The following SORCS2 variants were observed in gnomAD, a reference collection of about 807,000 sequenced individuals.
SORCS2 encodes the protein VPS10 domain-containing receptor SorCS2.
A neutral mutation model predicts 141.6 loss-of-function variants in SORCS2; 100 were observed. The observed-to-expected ratio is 0.71, with a 90% CI of 0.60 to 0.83. The LOEUF is 0.83. Ranked by LOEUF, SORCS2 falls within the 40% of genes least tolerant of loss-of-function variation. SORCS2 has a pLI of 0.00. For synonymous variants in SORCS2, 789 were observed against 676.9 expected (o/e 1.17, Z -2.57); for missense variants, 1,646 against 1,560.2 (o/e 1.05, Z -0.93).
intron 2 of SORCS2, among the ~76,000 whole-genome samples, chr4:7,449,520 G>A (rs1382020322): frequency 1.3e-5 from 2 of 150,838 alleles, no homozygotes; most frequent in Non-Finnish European, 2.9e-5. Flanking sequence ...CTCCCTGCCT[G>A]TGAGATGGGG....
intron 3 of SORCS2, among the ~76,000 whole-genome samples, chr4:7,594,435 G>A (rs546999019): frequency 6.6e-6 from 1 of 152,246 alleles, no homozygotes; most frequent in Non-Finnish European, 1.5e-5. Flanking sequence ...GCCCGAGGAA[G>A]GGTAAGCTTC....
intron 1 of SORCS2, among the ~76,000 whole-genome samples, chr4:7,324,566 T>C (rs1258251003): frequency 6.6e-6 from 1 of 152,186 alleles, no homozygotes; most frequent in African/African-American, 2.4e-5. Context: ...CCCGGCACAC[T>C]TTAATTACAG....
At chr4:7,636,330 T>A (rs1198861056) in intron 3 of SORCS2, among the ~76,000 whole-genome samples, 1 of 152,218 alleles carries the variant, frequency 6.6e-6, no homozygotes, top group African/African-American at 2.4e-5. Context: ...CGGCGCCCGG[T>A]GCCTGTGTAA....
At chr4:7,675,960 G>A in intron 8 of SORCS2, 90 bp from the exon 9 acceptor site, 1 of 1,436,696 alleles carries the variant, frequency 7.0e-7, no homozygotes, top group South Asian at 1.3e-5. Flanking sequence ...GGGGTCTTCT[G>A]CACCCTCACG....
At chr4:7,509,606 A>G (rs563608478) in intron 2 of SORCS2, among the ~76,000 whole-genome samples, 5 of 152,216 alleles carry the variant, frequency 3.3e-5, no homozygotes, top group African/African-American at 1.2e-4. Context: ...TGCACAGCCC[A>G]CAGGGGGCTG....
At chr4:7,408,367 A>G (rs543289350) in intron 2 of SORCS2, among the ~76,000 whole-genome samples, 25 of 150,444 alleles carry the variant, frequency 1.7e-4, no homozygotes, top group African/African-American at 5.6e-4. Context: ...TTTGCTGGCT[A>G]TAGTATTCTT....
intron 1 of SORCS2, among the ~76,000 whole-genome samples, chr4:7,245,470 G>C (rs1713021110): frequency 6.6e-6 from 1 of 152,200 alleles, no homozygotes; most frequent in Non-Finnish European, 1.5e-5. Context: ...AAATAACTTG[G>C]GCTTTAGAGT....
intron 1 of SORCS2, among the ~76,000 whole-genome samples, chr4:7,208,235 C>A (rs146202875): frequency 7.9e-4 from 121 of 152,256 alleles, no homozygotes; most frequent in African/African-American, 2.7e-3. Context: ...TGAGCTGGGG[C>A]AGGTGGGGGT....
chr4:7,662,247 C>G (rs1023905550), intron 6 of SORCS2, among the ~76,000 whole-genome samples: 1 of 150,720 alleles, frequency 6.6e-6, no homozygotes, highest in Non-Finnish European at 1.5e-5. Flanking sequence ...CCACCCCCAC[C>G]CTGCCACACT....
At chr4:7,584,873 G>A (rs911946613) in intron 3 of SORCS2, among the ~76,000 whole-genome samples, 4 of 152,168 alleles carry the variant, frequency 2.6e-5, no homozygotes, top group South Asian at 2.1e-4. Context: ...AATTGTGTGC[G>A]CTGTGTTTAT....
intron 2 of SORCS2, among the ~76,000 whole-genome samples, chr4:7,527,352 G>A (rs1019980363): frequency 3.9e-5 from 6 of 152,252 alleles, no homozygotes; most frequent in Non-Finnish European, 7.3e-5. Context: ...GATTGTCCTC[G>A]TGGGGCCTTT....
intron 22 of SORCS2, among the ~76,000 whole-genome samples, chr4:7,728,881 G>A (rs1727408840): frequency 2.6e-5 from 4 of 152,334 alleles, no homozygotes; most frequent in South Asian, 2.1e-4. Context: ...GCTCCCGGGT[G>A]GCAGACATCA....
At chr4:7,488,104 A>G (rs974300957) in intron 2 of SORCS2, among the ~76,000 whole-genome samples, 2 of 152,116 alleles carry the variant, frequency 1.3e-5, no homozygotes, top group African/African-American at 4.8e-5. Flanking sequence ...AGAGGTTCGG[A>G]AATTAAGGCA....
At chr4:7,209,210 T>G (rs1211208205) in intron 1 of SORCS2, among the ~76,000 whole-genome samples, 1 of 152,188 alleles carries the variant, frequency 6.6e-6, no homozygotes, top group Non-Finnish European at 1.5e-5. Flanking sequence ...AGATGCCCCC[T>G]CCTCAGCTGG....
At chr4:7,379,077 G>T (rs574131260) in intron 1 of SORCS2, among the ~76,000 whole-genome samples, 1 of 152,188 alleles carries the variant, frequency 6.6e-6, no homozygotes, top group Non-Finnish European at 1.5e-5. Flanking sequence ...GATGTCCTGG[G>T]TTATTGTGAG....
chr4:7,570,248 C>G (rs1715296397), intron 3 of SORCS2, among the ~76,000 whole-genome samples: 1 of 152,198 alleles, frequency 6.6e-6, no homozygotes, highest in African/African-American at 2.4e-5. Context: ...GCCCATAAAG[C>G]AGAGGCCGGT....
rs943359579 is a variant in SORCS2 at position 7,584,719 on chromosome 4, G to A, written c.648+53090G>A. ...AGCGGGGCTCAGCTGGGGGGAGGTTGCATCTAAGATTGAGCAGTTTTGCAG... is the reference window on the plus strand; with the variant it reads ...AGCGGGGCTCAGCTGGGGGGAGGTTACATCTAAGATTGAGCAGTTTTGCAG... On this transcript the variant is annotated intron_variant, in intron 3 of 26. Coordinates refer to ENST00000507866, the MANE Select transcript of SORCS2 (RefSeq NM_020777.3). 1.5e-4 allele frequency among the ~76,000 whole-genome samples: 23 copies of A among 152,274 alleles called. No individual in the cohort carries two copies. In the Middle Eastern group the frequency reaches 0.017, roughly 113 times the overall value.
Position 7,379,587 on chromosome 4 carries a change from C to T in SORCS2, c.481-16701C>T, listed in dbSNP as rs528006686. 7.2e-5 allele frequency among the ~76,000 whole-genome samples: 11 copies of T among 152,324 alleles called. No homozygotes were observed. In the East Asian group the frequency reaches 2.1e-3, roughly 29 times the overall value. On this transcript the variant is annotated intron_variant, in intron 1 of 26. Coordinates refer to ENST00000507866, the MANE Select transcript of SORCS2 (RefSeq NM_020777.3). ...CCCACTAAACACCCTTCACAATAGA[C>T]ACGCGGATACTATGGGTGTCCATTT...
chr4:7,552,508 C>G (rs371236838), intron 3 of SORCS2, among the ~76,000 whole-genome samples: 2 of 152,068 alleles, frequency 1.3e-5, no homozygotes, highest in African/African-American at 2.4e-5. Flanking sequence ...TCTAAACTGA[C>G]GATGAAGGCA....
Sources: allele counts gnomAD v4.1 joint callset (sites outside exome capture counted in the v4.1 genomes callset), GRCh38; gene constraint gnomAD v4.1.1; transcripts MANE v1.5; gene names NCBI Gene and HGNC (gene_info 2026-07-23, HGNC 2026-07-21).